The following ANAPC15 variants were observed in gnomAD, a reference collection of about 807,000 sequenced individuals.
The protein encoded by ANAPC15 is anaphase-promoting complex subunit 15.
In ANAPC15, 13 loss-of-function variants were observed where a neutral mutation model predicts 19.8. The ratio of observed to expected loss-of-function variants is 0.66; its 90% CI spans 0.43 to 1.04. The LOEUF is 1.04. ANAPC15 is among the 50% of genes least tolerant of loss of function. The probability of loss-of-function intolerance (pLI) is 0.00; values close to 1 mark genes in which losing one functional copy is unlikely to be tolerated. For missense variants in ANAPC15, 88 were observed against 150.3 expected (o/e 0.59, Z 2.17); for synonymous variants, 45 against 50.7 (o/e 0.89, Z 0.47).
In ANAPC15 at chr11:72,111,189, G is replaced by A. The variant is rs779643720; in HGVS notation, c.88C>T (p.Leu30=). The stretch of plus-strand genomic sequence containing the variant: ...TGATGCTGCTGTTCCTGCTGCTGCA[G>A]CTCTGTCTCTTCCACACAGGGTCGA... The part of the protein sequence containing the change: ...LDRPCVEETE[L]QQQEQQHQAW... The change falls in exon 3 of 6, where the codon CTG becomes TTG. Residue 30 remains leucine, a synonymous_variant. Coordinates refer to ENST00000227618, the MANE Select transcript of ANAPC15 (RefSeq NM_014042.3). The A allele has an allele frequency of 8.7e-6, 14 of 1,612,876 alleles. No individual in the cohort carries two copies. Among genetic ancestry groups the A allele is most frequent in the Non-Finnish European group, 1.0e-5 (12 of 1,178,872 alleles).
downstream of ANAPC15, chr11:72,107,751 T>C (rs1945829707): frequency 4.5e-6 from 3 of 670,070 alleles, no homozygotes; most frequent in East Asian, 8.2e-5. Flanking sequence ...GTGTGAAGAC[T>C]ACACTGTAGG....
downstream of ANAPC15, among the ~76,000 whole-genome samples, chr11:72,108,335 G>A (rs1945933197): frequency 6.6e-6 from 1 of 152,218 alleles, no homozygotes; most frequent in African/African-American, 2.4e-5. Context: ...AAGGTCTCTG[G>A]AACCCAGCAA....
rs146191672 is a variant in ANAPC15 at position 72,112,685 on chromosome 11, G to A, written c.-131C>T. 64 of 456,720 alleles carry A rather than the reference G, an allele frequency of 1.4e-4. No individual in the cohort carries two copies. The highest frequency in any genetic ancestry group is 1.1e-3 in the African/African-American group (57 of 50,198). 28.3% of individuals were successfully genotyped at this position (456,720 alleles called of 1,614,324 possible). A position where few individuals can be genotyped will look rare whatever the true frequency, so the allele number is the denominator to read the frequency against. ...GGCTGCTGCCGGCGGCGACCCGGAA[G>A]CGCTTCACCCAGCCTGAGCGGAAGA... On this transcript the variant is annotated 5_prime_UTR_variant, in exon 1 of 6. Transcript: ENST00000227618.
At position 72,111,144 on chromosome 11, in the gene ANAPC15, G is replaced by T; in HGVS notation, c.120+13C>A. The T allele has an allele frequency of 6.5e-7, 1 of 1,529,542 alleles. No homozygotes were observed. The highest frequency in any genetic ancestry group is 1.4e-5 in the African/African-American group (1 of 73,432). The allele number at this position is 1,529,542 out of a possible 1,614,324, so 94.7% of individuals were successfully genotyped here. On this transcript the variant is annotated intron_variant, in intron 3 of 5. Transcript: ENST00000227618. The stretch of plus-strand genomic sequence containing the variant: ...GTGCTGAGGTCTCTGTGCTGTGCTA[G>T]CTGCTCACTCACCCAGGCCTGATGC...
At position 72,111,248 on chromosome 11, in the gene ANAPC15, G is replaced by T. The variant is rs1451526157; in HGVS notation, c.29C>A (p.Pro10His). The change falls in exon 3 of 6, where the codon CCT becomes CAT. Residue 10 changes from proline (P) to histidine (H), a missense_variant. Pro to His is a moderately conservative substitution (Grantham distance 77). Coordinates refer to ENST00000227618, the MANE Select transcript of ANAPC15 (RefSeq NM_014042.3). ...AAACCACAGAGTCTCAGTCACACGA[G>T]GGAAGAGTGAGGGGAACAAAGTGGA... MSTLFPSLFPRVTETLWFNL... is the reference protein window; with the variant it reads MSTLFPSLFHRVTETLWFNL... 3 of 1,613,896 alleles carry T rather than the reference G, an allele frequency of 1.9e-6. No individual in the cohort carries two copies. The highest frequency in any genetic ancestry group is 2.5e-6 in the Non-Finnish European group (3 of 1,179,864).
intron 4 of ANAPC15, 33 bp downstream of exon 4, chr11:72,110,511 C>T (rs759032367): frequency 1.9e-6 from 3 of 1,613,584 alleles, no homozygotes; most frequent in South Asian, 1.1e-5. Context: ...CACTGCGGCC[C>T]CCACACAGGC....
intron 1 of ANAPC15, 116 bp downstream of exon 1, chr11:72,112,534 G>A (rs1363111275): frequency 5.2e-6 from 2 of 385,530 alleles, no homozygotes; most frequent in East Asian, 7.4e-5. Context: ...CTCTTTAAGG[G>A]TTAAGGACTC....
chr11:72,109,630 A>T lies in ANAPC15; in HGVS notation c.*251T>A, dbSNP rs1412796545. 8.4e-6 allele frequency: 5 copies of T among 596,364 alleles called. No individual in the cohort carries two copies. The highest frequency in any genetic ancestry group is 1.9e-5 in the African/African-American group (1 of 53,744). 36.9% of individuals were successfully genotyped at this position (596,364 alleles called of 1,614,324 possible). A position where few individuals can be genotyped will look rare whatever the true frequency, so the allele number is the denominator to read the frequency against. ...TCTTTATTAAAGAAACTTAGACCAG[A>T]CCTGGCAATCAAGGGGTGAGGTACT... On this transcript the variant is annotated 3_prime_UTR_variant, in exon 6 of 6. Coordinates refer to ENST00000227618, the MANE Select transcript of ANAPC15 (RefSeq NM_014042.3).
chr11:72,108,086 A>C, downstream of ANAPC15: 3 of 1,523,510 alleles, frequency 2.0e-6, no homozygotes, highest in Admixed American at 4.1e-5. Flanking sequence ...TGGCTGAAAA[A>C]CTCATCCGCC....
chr11:72,108,507 A>T, downstream of ANAPC15: 3 of 1,089,616 alleles, frequency 2.8e-6, no homozygotes, highest in Non-Finnish European at 2.5e-6. Context: ...TGGGAAGCTA[A>T]GCCAGGACCT....
chr11:72,108,784 G>A, downstream of ANAPC15: 3 of 1,550,442 alleles, frequency 1.9e-6, no homozygotes, highest in Non-Finnish European at 2.6e-6. Context: ...CTGACCATGT[G>A]CTCTTCCCTG....
chr11:72,107,904 C>A, downstream of ANAPC15: 5 of 1,551,490 alleles, frequency 3.2e-6, no homozygotes, highest in Non-Finnish European at 4.4e-6. Context: ...TCTTCTGCAA[C>A]AGCCATCTCC....
chr11:72,112,098 A>G (rs548614893), intron 1 of ANAPC15: 6 of 153,198 alleles, frequency 3.9e-5, no homozygotes, highest in African/African-American at 1.2e-4. Flanking sequence ...AGCAGGAGAA[A>G]ATAATCGATG....
At chr11:72,110,870 G>C (rs1197717628) in intron 3 of ANAPC15, 5 of 578,062 alleles carry the variant, frequency 8.6e-6, no homozygotes, top group Admixed American at 3.3e-5. Context: ...TCATCTGCTA[G>C]ATCCTCAATT....
At chr11:72,107,583 G>A (rs564335973), downstream of ANAPC15, 19 of 698,974 alleles carry the variant, frequency 2.7e-5, no homozygotes, top group South Asian at 2.7e-4. Context: ...CAGGCCACAG[G>A]TGGGAAGTAC....
At chr11:72,107,245 C>T (rs1190427781), downstream of ANAPC15, 6 of 589,672 alleles carry the variant, frequency 1.0e-5, no homozygotes, top group Non-Finnish European at 1.8e-5. Context: ...CCAGCCTGGG[C>T]AACACAGCAA....
downstream of ANAPC15, chr11:72,108,680 C>T (rs1271566733): frequency 6.5e-7 from 1 of 1,541,200 alleles, no homozygotes; most frequent in Non-Finnish European, 8.8e-7. Flanking sequence ...TCGGGCAGAC[C>T]TGGTGCTCCT....
chr11:72,109,131 C>T (rs1946064397), downstream of ANAPC15: 2 of 577,980 alleles, frequency 3.5e-6, no homozygotes, highest in Non-Finnish European at 6.2e-6. Flanking sequence ...CACTAGGCCC[C>T]CTCTTTCCAG....
At chr11:72,108,586 G>C (rs1591193760), downstream of ANAPC15, 2 of 1,436,904 alleles carry the variant, frequency 1.4e-6, no homozygotes, top group Non-Finnish European at 1.8e-6. Flanking sequence ...CTCACCTCCA[G>C]CTCCCCCTAT....
Sources: gnomAD v4.1 joint callset for allele counts (sites outside exome capture counted in the v4.1 genomes callset) on GRCh38, gnomAD v4.1.1 for gene constraint, MANE v1.5 for transcripts, NCBI Gene and HGNC (gene_info 2026-07-23, HGNC 2026-07-21) for gene names.